PHF6: variants seen among roughly 807,000 people sequenced by gnomAD.
PHF6 encodes PHD-like zinc finger protein.
PHF6 carries 7 observed loss-of-function variants against 34.0 expected under a neutral mutation model. The observed-to-expected ratio is 0.21, with a 90% CI of 0.12 to 0.39. The LOEUF (loss-of-function observed/expected upper bound fraction) is 0.39, where lower values mean the gene tolerates loss of function less well. PHF6 is among the 10% of genes least tolerant of loss of function. PHF6 has a pLI of 1.00. For synonymous variants in PHF6, 89 were observed against 88.4 expected, an observed-to-expected ratio of 1.01 and a Z score of -0.04; for missense variants, 128 against 262.8, an observed-to-expected ratio of 0.49 and a Z score of 3.55.
chrX:134,415,207 A>G lies in PHF6; in HGVS notation c.834+87A>G, dbSNP rs920718081. 12 of 1,201,805 alleles carry G rather than the reference A, an allele frequency of 1.0e-5. No homozygotes were observed. Among genetic ancestry groups the G allele is most frequent in the African/African-American group, 1.7e-5 (1 of 57,235 alleles). ...TACATCCCAAATTTATCCAGTCATC[A>G]GAAAATTTAAAGTAGTTCGTATGTT... On this transcript the variant is annotated intron_variant, in intron 8 of 10. Transcript: ENST00000370803.
At chrX:134,413,450 T>G in intron 5 of PHF6, 41 bp from the exon 6 acceptor site, 2 of 1,181,703 alleles carry the variant, frequency 1.7e-6, no homozygotes, top group Non-Finnish European at 2.3e-6. Flanking sequence ...ATACTTATTT[T>G]GAGATTGGTC....
At chrX:134,425,449 A>G in intron 10 of PHF6, 119 bp downstream of exon 10, 1 of 886,952 alleles carries the variant, frequency 1.1e-6, no homozygotes, top group Non-Finnish European at 1.6e-6. Flanking sequence ...AGTTAAGAGC[A>G]TGTTACTAAA....
At position 134,425,249 on chromosome X, in the gene PHF6, T is replaced by C. The variant is rs1425520573; in HGVS notation, c.1017T>C (p.Asp339=). ...HSGNDERDEE[D]EERESKSRGK... ...GAAATGATGAGAGAGATGAAGAAGA[T>C]GAGGAACGAGAGAGTAAAAGCCGAG... The change falls in exon 10 of 11, where the codon GAT becomes GAC. Residue 339 remains aspartate, a synonymous_variant. Coordinates refer to ENST00000370803, the MANE Select transcript of PHF6 (RefSeq NM_001015877.2). The C allele has an allele frequency of 8.3e-7, 1 of 1,209,840 alleles. No individual in the cohort carries two copies. Among genetic ancestry groups the C allele is most frequent in the Admixed American group, 2.2e-5 (1 of 45,931 alleles).
chrX:134,396,598 C>CG (rs935512724), intron 5 of PHF6, among the ~76,000 whole-genome samples: 7 of 110,591 alleles, frequency 6.3e-5, no homozygotes, highest in Non-Finnish European at 1.3e-4. Context: ...GAACAATGGG[C>CG]GGGGGGCTTG....
At chrX:134,406,064 T>C (rs781256901) in intron 5 of PHF6, among the ~76,000 whole-genome samples, 3 of 49,599 alleles carry the variant, frequency 6.0e-5, no homozygotes, top group Admixed American at 4.0e-4. Flanking sequence ...CTTTTTCTTT[T>C]TCTTTCTTTC....
At chrX:134,381,117 A>G (rs758493741) in intron 3 of PHF6, among the ~76,000 whole-genome samples, 1 of 111,400 alleles carries the variant, frequency 9.0e-6, no homozygotes, top group South Asian at 3.8e-4. Flanking sequence ...TCGGCCTCCC[A>G]AAGTGCGGGG....
intron 3 of PHF6, among the ~76,000 whole-genome samples, chrX:134,390,555 A>G (rs1014918304): frequency 1.1e-4 from 12 of 112,471 alleles, no homozygotes; most frequent in African/African-American, 3.9e-4. Flanking sequence ...ATTTTGGTAT[A>G]TTTTGGGTTT....
At chrX:134,409,252 A>G (rs185963279) in intron 5 of PHF6, among the ~76,000 whole-genome samples, 339 of 111,603 alleles carry the variant, frequency 3.0e-3, no homozygotes, top group African/African-American at 0.01. Flanking sequence ...AAAAATGGAT[A>G]TCCAGTTGTG....
chrX:134,424,701 C>A, intron 9 of PHF6, among the ~76,000 whole-genome samples: 1 of 111,947 alleles, frequency 8.9e-6, no homozygotes, highest in East Asian at 2.8e-4. Context: ...TTGGATGGCT[C>A]ATGTAGGTAT....
intron 3 of PHF6, among the ~76,000 whole-genome samples, chrX:134,382,615 C>T (rs1241873638): frequency 4.1e-5 from 4 of 97,626 alleles, no homozygotes; most frequent in Non-Finnish European, 8.0e-5. Context: ...GTTGCCTAGG[C>T]TGGATTGCAG....
chrX:134,391,758 C>T (rs764110177), intron 3 of PHF6, among the ~76,000 whole-genome samples: 1 of 111,373 alleles, frequency 9.0e-6, no homozygotes, highest in African/African-American at 3.3e-5. Flanking sequence ...CATTGTAACA[C>T]TGTGAGGCAT....
At chrX:134,379,432 C>CTTTTTTTTTTTTTTT (rs34099570) in intron 3 of PHF6, among the ~76,000 whole-genome samples, 53 of 26,260 alleles carry the variant, frequency 2.0e-3, no homozygotes, top group African/African-American at 2.2e-3. Context: ...CTTTTCTTTT[C>CTTTTTTTTTTTTTTT]TTTTTTTTTT....
intron 5 of PHF6, among the ~76,000 whole-genome samples, chrX:134,395,693 T>G (rs765524795): frequency 3.6e-4 from 40 of 112,286 alleles, no homozygotes; most frequent in African/African-American, 1.3e-3. Flanking sequence ...ATTCGCATGT[T>G]AAAATTGGTG....
rs1438601354 is a variant in PHF6 at position 134,379,254 on chromosome X, T to C, written c.240+1148T>C. ...CTCAAAAATGACATTTGGGATTTGC[T>C]TTAGGATAGTCTCAAATCCTAGTAT... On this transcript the variant is annotated intron_variant, in intron 3 of 10. Coordinates refer to ENST00000370803, the MANE Select transcript of PHF6 (RefSeq NM_001015877.2). Among the ~76,000 whole-genome samples, 10 of 110,543 alleles carry C rather than the reference T, an allele frequency of 9.0e-5. No individual in the cohort carries two copies. The Admixed American group carries it at 9.7e-4, about 11-fold the overall frequency.
At chrX:134,378,908 G>A (rs1156895986) in intron 3 of PHF6, among the ~76,000 whole-genome samples, 1 of 112,144 alleles carries the variant, frequency 8.9e-6, no homozygotes, top group Non-Finnish European at 1.9e-5. Context: ...CACTGTGCCC[G>A]GCTACTTTGA....
chrX:134,400,390 CTTTTT>C (rs59456723), intron 5 of PHF6, among the ~76,000 whole-genome samples: 2 of 79,868 alleles, frequency 2.5e-5, no homozygotes, highest in Non-Finnish European at 4.7e-5. Flanking sequence ...CAGCCTTTGC[CTTTTT>C]TTTTTTTTTT....
intron 7 of PHF6, 51 bp downstream of exon 7, chrX:134,414,017 CTT>C: frequency 4.3e-6 from 5 of 1,161,074 alleles, no homozygotes; most frequent in Non-Finnish European, 5.9e-6. Context: ...GTTTGTTTTT[CTT>C]TGTTTCCCCT....
intron 5 of PHF6, among the ~76,000 whole-genome samples, chrX:134,408,748 T>G (rs915474347): frequency 1.8e-5 from 2 of 112,237 alleles, no homozygotes; most frequent in African/African-American, 6.5e-5. Context: ...AGTTTCACTC[T>G]TGTCACCAGG....
chrX:134,374,232 C>G (rs2124194711), intron 1 of PHF6, among the ~76,000 whole-genome samples: 1 of 111,647 alleles, frequency 9.0e-6, no homozygotes, highest in African/African-American at 3.3e-5. Context: ...TTTTGATATT[C>G]TGCGTGGAAG....
Sources: allele counts gnomAD v4.1 joint callset (sites outside exome capture counted in the v4.1 genomes callset), GRCh38; gene constraint gnomAD v4.1.1; transcripts MANE v1.5; gene names NCBI Gene and HGNC (gene_info 2026-07-23, HGNC 2026-07-21).